The following HSD11B1L variants were observed in gnomAD, a reference collection of about 807,000 sequenced individuals.
HSD11B1L encodes the protein hydroxysteroid 11-beta dehydrogenase 1 like, also known as hydroxysteroid 11-beta-dehydrogenase 1-like protein.
In HSD11B1L, 22 loss-of-function variants were observed where a neutral mutation model predicts 27.0. The ratio of observed to expected loss-of-function variants is 0.81; its 90% CI spans 0.58 to 1.16. The LOEUF is 1.16. HSD11B1L is among the 50% of genes most tolerant of loss of function. The pLI, the probability that HSD11B1L is intolerant of heterozygous loss-of-function variation, is 0.00. For synonymous variants in HSD11B1L, 187 were observed against 189.2 expected (o/e 0.99, Z 0.09); for missense variants, 372 against 401.8 (o/e 0.93, Z 0.63).
At chr19:5,683,370 TG>T (rs35686383) in intron 1 of HSD11B1L, among the ~76,000 whole-genome samples, 3 of 152,306 alleles carry the variant, frequency 2.0e-5, no homozygotes, top group African/African-American at 7.2e-5. Flanking sequence ...AAATGCCTTC[TG>T]GGTGTCTCCA....
Position 5,687,424 on chromosome 19 carries a change from A to C in HSD11B1L, c.502+49A>C. On this transcript the variant is annotated intron_variant, in intron 6 of 7. Transcript: ENST00000339423. This position sits in a 1 kb window ranked among gnomAD's most constrained non-coding sequence, Gnocchi z 6.6. ...TGCGGGACGGGGAGTGGGGAGCTCG[A>C]TGCGGGTGAGCCTGGAGGGTCTGGG... 1 of 1,602,714 alleles carries C rather than the reference A, an allele frequency of 6.2e-7. No homozygotes were observed. Among genetic ancestry groups the C allele is most frequent in the Non-Finnish European group, 8.5e-7 (1 of 1,177,828 alleles).
chr19:5,686,311 A>AG (rs3215972), intron 3 of HSD11B1L, 105 bp from the exon 4 acceptor site: 250 of 717,890 alleles, frequency 3.5e-4, no homozygotes, highest in East Asian at 1.2e-3. Context: ...GGCTCAGAGT[A>AG]GGGGGGGGTT....
rs1357742445 is a variant in HSD11B1L, at chr19:5,687,187, T to TCTCTGACCCGGCCCTGGCCCCGC, written c.409-93_409-71dup. 1.4e-6 allele frequency: 2 copies of TCTCTGACCCGGCCCTGGCCCCGC among 1,392,918 alleles called. No homozygotes were observed. Among genetic ancestry groups the TCTCTGACCCGGCCCTGGCCCCGC allele is most frequent in the African/African-American group, 2.8e-5 (2 of 70,430 alleles). 86.3% of individuals were successfully genotyped at this position (1,392,918 alleles called of 1,614,324 possible). A position where few individuals can be genotyped will look rare whatever the true frequency, so the allele number is the denominator to read the frequency against. Reference sequence around the variant, plus strand: ...CCCGCCTTCCGGGTTTCTGGCCCCGTCTCTGACCCGGCCCTGGCCCCGCCC... The same window carrying TCTCTGACCCGGCCCTGGCCCCGC: ...CCCGCCTTCCGGGTTTCTGGCCCCGTCTCTGACCCGGCCCTGGCCCCGCCTCTGACCCGGCCCTGGCCCCGCCC... On this transcript the variant is annotated intron_variant, in intron 5 of 7. Transcript: ENST00000339423. The surrounding 1 kb of genome is among the most constrained non-coding windows in gnomAD (Gnocchi z 6.6).
chr19:5,681,086 C>G lies in HSD11B1L; in HGVS notation c.-200C>G, dbSNP rs1232038500. The G allele has an allele frequency of 1.3e-5, 2 of 152,324 alleles. No homozygotes were observed. Among genetic ancestry groups the G allele is most frequent in the African/African-American group, 2.4e-5 (1 of 41,386 alleles). 9.4% of individuals were successfully genotyped at this position (152,324 alleles called of 1,614,324 possible). On this transcript the variant is annotated 5_prime_UTR_variant, in exon 1 of 8. Coordinates refer to ENST00000339423, the MANE Select transcript of HSD11B1L (RefSeq NM_198706.3). Reference sequence around the variant, plus strand: ...CGGCGACGCTCCGGCGCTGGGTCCCCGAGGCCCGGCCCCTCCCCGGGAGGA... The same window carrying G: ...CGGCGACGCTCCGGCGCTGGGTCCCGGAGGCCCGGCCCCTCCCCGGGAGGA...
rs924714466 is a variant in HSD11B1L at position 5,685,902 on chromosome 19, TCAAA to T, written c.205-501_205-498del. 1.5e-4 allele frequency among the ~76,000 whole-genome samples: 23 copies of T among 152,144 alleles called. No homozygotes were observed. Among genetic ancestry groups the T allele is most frequent in the African/African-American group, 5.3e-4 (22 of 41,438 alleles). On this transcript the variant is annotated intron_variant, in intron 3 of 7. Transcript: ENST00000339423. The surrounding 1 kb of genome is among the most constrained non-coding windows in gnomAD (Gnocchi z 4.3). ...CTGGGCAACAAAGTGAGACTCTGTC[TCAAA>T]CAAACAAACAAAAAAACCCACCTTC...
At chr19:5,684,708 G>T in intron 1 of HSD11B1L, 111 bp from the exon 2 acceptor site, 2 of 1,544,778 alleles carry the variant, frequency 1.3e-6, no homozygotes, top group Non-Finnish European at 1.7e-6. Context: ...GGCTGTGGAG[G>T]TGGATAGGAA....
chr19:5,682,039 G>A (rs568606651), intron 1 of HSD11B1L, among the ~76,000 whole-genome samples: 25 of 152,352 alleles, frequency 1.6e-4, no homozygotes, highest in African/African-American at 6.0e-4. Flanking sequence ...CATGCCTGGT[G>A]TGTCTGGGAA....
In HSD11B1L at chr19:5,686,408, C is replaced by A. The variant is rs1187553186; in HGVS notation, c.205-8C>A. 1 of 1,553,926 alleles carries A rather than the reference C, an allele frequency of 6.4e-7. No homozygotes were observed. The highest frequency in any genetic ancestry group is 8.7e-7 in the Non-Finnish European group (1 of 1,148,078). ...GAGAGGCCCACGGGCAGCTCTGGCC[C>A]CCCCCAGGTGGTAGGGAACTGCCGG... On this transcript the variant is annotated splice_polypyrimidine_tract_variant and splice_region_variant and intron_variant, in intron 3 of 7. Transcript: ENST00000339423.
chr19:5,683,988 GTTT>G (rs1301275342), intron 1 of HSD11B1L: 1 of 437,324 alleles, frequency 2.3e-6, no homozygotes, highest in Non-Finnish European at 4.1e-6. Flanking sequence ...TTGTTTGTTT[GTTT>G]TTGATACGGA....
chr19:5,684,064 C>T (rs1325136316), intron 1 of HSD11B1L: 1 of 481,648 alleles, frequency 2.1e-6, no homozygotes, highest in Non-Finnish European at 3.7e-6. Context: ...CAACTTCTGC[C>T]TCCCAGGTTC....
Position 5,687,006 on chromosome 19 carries a change from C to T in HSD11B1L, c.408+15C>T. 2 of 1,536,126 alleles carry T rather than the reference C, an allele frequency of 1.3e-6. No individual in the cohort carries two copies. The highest frequency in any genetic ancestry group is 1.2e-5 in the South Asian group (1 of 83,686). Reference sequence around the variant, plus strand: ...GGCTCATGCAGGTGCTCCGCTCCTCCGCGGCCCCGGCCCGCCCCTCTATCT... The same window carrying T: ...GGCTCATGCAGGTGCTCCGCTCCTCTGCGGCCCCGGCCCGCCCCTCTATCT... On this transcript the variant is annotated intron_variant, in intron 5 of 7. Coordinates refer to ENST00000339423, the MANE Select transcript of HSD11B1L (RefSeq NM_198706.3). The surrounding 1 kb of genome is among the most constrained non-coding windows in gnomAD (Gnocchi z 6.6).
At chr19:5,686,583 CAG>C in intron 4 of HSD11B1L, 56 bp downstream of exon 4, 1 of 1,381,430 alleles carries the variant, frequency 7.2e-7, no homozygotes, top group Non-Finnish European at 1.0e-6. Flanking sequence ...GCCTTAGGGA[CAG>C]GACCAGAATT....
rs551233070 is a variant in HSD11B1L, at chr19:5,685,232, G to A, written c.204+113G>A. On this transcript the variant is annotated intron_variant, in intron 3 of 7. Transcript: ENST00000339423. This position sits in a 1 kb window ranked among gnomAD's most constrained non-coding sequence, Gnocchi z 4.3. Reference sequence around the variant, plus strand: ...CTTCCCGTGTGACCTTGGGCAAGTCGCCTAACCTCTCTGAGCCTCTCAGTT... The same window carrying A: ...CTTCCCGTGTGACCTTGGGCAAGTCACCTAACCTCTCTGAGCCTCTCAGTT... The A allele has an allele frequency of 4.3e-5, 58 of 1,357,290 alleles. No homozygotes were observed. In the Middle Eastern group the frequency reaches 7.1e-4, roughly 17 times the overall value. 84.1% of individuals were successfully genotyped at this position (1,357,290 alleles called of 1,614,324 possible).
At position 5,688,341 on chromosome 19, in the gene HSD11B1L, G is replaced by A; in HGVS notation, c.*396G>A. 2 of 745,674 alleles carry A rather than the reference G, an allele frequency of 2.7e-6. No homozygotes were observed. The highest frequency in any genetic ancestry group is 4.3e-6 in the Non-Finnish European group (2 of 468,992). The allele number at this position is 745,674 out of a possible 1,614,324, so 46.2% of individuals were successfully genotyped here. A position where few individuals can be genotyped will look rare whatever the true frequency, so the allele number is the denominator to read the frequency against. On this transcript the variant is annotated 3_prime_UTR_variant, in exon 8 of 8. Coordinates refer to ENST00000339423, the MANE Select transcript of HSD11B1L (RefSeq NM_198706.3). ...TCTTTCCATTCATTCCATCTGGGAG[G>A]AACCCCCCCAACTCCTGCCAGCTTC...
rs1183788088 is a variant in HSD11B1L, at chr19:5,686,464, G to A, written c.253G>A (p.Ala85Thr). 2 of 1,588,364 alleles carry A rather than the reference G, an allele frequency of 1.3e-6. No homozygotes were observed. The highest frequency in any genetic ancestry group is 2.3e-5 in the South Asian group (2 of 86,638). Reference protein sequence around the residue: ...KLGAPKVFYIAADMASPEAPE... With the variant: ...KLGAPKVFYITADMASPEAPE... ...GGGCGCCCCCAAGGTCTTCTACATC[G>A]CGGCGGACATGGCCTCCCCTGAGGC... The change falls in exon 4 of 8, where the codon GCG (alanine) becomes ACG (threonine). Residue 85 changes from alanine (A) to threonine (T), a missense_variant. Physicochemically the swap from Ala to Thr is moderately conservative, Grantham distance 58 (BLOSUM62 0). Transcript: ENST00000339423.
At chr19:5,683,978 T>C in intron 1 of HSD11B1L, 1 of 422,484 alleles carries the variant, frequency 2.4e-6, no homozygotes, top group East Asian at 3.6e-5. Context: ...CTTTTTTTGT[T>C]TGTTTGTTTG....
chr19:5,683,931 A>G, intron 1 of HSD11B1L: 1 of 357,380 alleles, frequency 2.8e-6, no homozygotes, highest in East Asian at 4.0e-5. Context: ...AATAAATAAT[A>G]AAAAAAGGAG....
At chr19:5,681,986 T>A (rs531894239) in intron 1 of HSD11B1L, among the ~76,000 whole-genome samples, 3 of 152,344 alleles carry the variant, frequency 2.0e-5, no homozygotes, top group Admixed American at 2.0e-4. Flanking sequence ...TCATGGGCTG[T>A]CCCTGGAAGG....
In HSD11B1L at chr19:5,683,972, T is replaced by G. The variant is rs764807465; in HGVS notation, c.-14-847T>G. ...CACTTGAAGGAGGTCACTGTTCTTT[T>G]TTTGTTTGTTTGTTTGTTTTTGATA... On this transcript the variant is annotated intron_variant, in intron 1 of 7. Transcript: ENST00000339423. 6.4e-4 allele frequency: 267 copies of G among 417,186 alleles called. 2 individuals are homozygous for G. In the Middle Eastern group the frequency reaches 6.5e-3, roughly 10 times the overall value. The allele number at this position is 417,186 out of a possible 1,614,324, so 25.8% of individuals were successfully genotyped here.
Sources: allele counts gnomAD v4.1 joint callset (sites outside exome capture counted in the v4.1 genomes callset), GRCh38; gene constraint gnomAD v4.1.1; non-coding constraint Gnocchi (gnomAD v3.1); transcripts MANE v1.5; gene names NCBI Gene and HGNC (gene_info 2026-07-23, HGNC 2026-07-21).